Variants in GDE1 observed in about 807,000 individuals in gnomAD.
GDE1 encodes the protein glycerophosphodiester phosphodiesterase 1, also known as RGS16-interacting membrane protein.
Under a neutral mutation model 32.2 loss-of-function variants are expected in GDE1, and 24 were observed. The observed-to-expected ratio is 0.75, with a 90% CI of 0.54 to 1.05. The LOEUF (loss-of-function observed/expected upper bound fraction) is 1.05, where lower values mean the gene tolerates loss of function less well. GDE1 is among the 50% of genes least tolerant of loss of function. The pLI is 0.00. For synonymous variants in GDE1, 159 were observed against 158.6 expected, an observed-to-expected ratio of 1.00 and a Z score of -0.02; for missense variants, 380 against 415.0, an observed-to-expected ratio of 0.92 and a Z score of 0.73.
In GDE1 at chr16:19,521,876, T is replaced by A. The variant is rs377212006; in HGVS notation, c.89A>T (p.Asn30Ile). 4.4e-6 allele frequency: 7 copies of A among 1,604,720 alleles called. No individual in the cohort carries two copies. In the South Asian group the frequency reaches 5.6e-5, roughly 13 times the overall value. Residue 30 changes from asparagine (N) to isoleucine (I), a missense_variant, in exon 1 of 6, where the codon AAT becomes ATT. Transcript: ENST00000353258. The part of the protein sequence containing the change: ...VLLLVTRSPV[N>I]ACLLTGSLFV... The stretch of plus-strand genomic sequence containing the variant: ...GAGGCTGCCGGTGAGGAGGCAGGCA[T>A]TGACCGGGCTCCGCGTCACCAGCAG...
In GDE1 at chr16:19,517,075, A is replaced by G. The variant is rs1300407405; in HGVS notation, c.376T>C (p.Leu126=). Residue 126 remains leucine (L), a synonymous_variant, in exon 2 of 6, where the codon TTG becomes CTG. Coordinates refer to ENST00000353258, the MANE Select transcript of GDE1 (RefSeq NM_016641.4). ...VDRTTDGTGR[L]CDLTFEQIRK... ...ATTTGTTCAAATGTCAAATCACACAATCGCCCAGTCCCATCAGTCGTCCTA... is the reference window on the plus strand; with the variant it reads ...ATTTGTTCAAATGTCAAATCACACAGTCGCCCAGTCCCATCAGTCGTCCTA... 1 of 1,614,114 alleles carries G rather than the reference A, an allele frequency of 6.2e-7. No individual in the cohort carries two copies. The highest frequency in any genetic ancestry group is 8.5e-7 in the Non-Finnish European group (1 of 1,179,992).
chr16:19,502,863 G>A lies in GDE1; in HGVS notation c.*607C>T, dbSNP rs2151443612. On this transcript the variant is annotated 3_prime_UTR_variant, in exon 6 of 6. Transcript: ENST00000353258. ...TGGTTTGCAGCTCTCTATTCAAGAT[G>A]CTATAAATCCCTCATTGGCTTCAAG... 1 of 152,422 alleles carries A rather than the reference G, an allele frequency of 6.6e-6. No homozygotes were observed. The highest frequency in any genetic ancestry group is 2.4e-5 in the African/African-American group (1 of 41,572). The allele number at this position is 152,422 out of a possible 1,614,324, so 9.4% of individuals were successfully genotyped here.
chr16:19,521,797 C>T lies in GDE1; in HGVS notation c.168G>A (p.Leu56=), dbSNP rs771192961. The T allele has an allele frequency of 2.5e-6, 4 of 1,611,688 alleles. No homozygotes were observed. In the South Asian group the frequency reaches 4.4e-5, roughly 18 times the overall value. ...TGCGGTCCCGGGGCTTGAGCACCTG[C>T]AGGGCCCTGCAAGAGGGCACCGGCT... ...SFEPVPSCRA[L]QVLKPRDRIS... Residue 56 remains leucine (L), a synonymous_variant, in exon 1 of 6, where the codon CTG becomes CTA. Transcript: ENST00000353258.
chr16:19,521,938 GC>G lies in GDE1; in HGVS notation c.26del (p.Gly9AlafsTer11). MWLWEDQG[G>X]LLGPFSFLLL... The stretch of plus-strand genomic sequence containing the variant: ...GCAGGAAGGAGAAAGGGCCCAGGAG[GC>G]CGCCCTGGTCCTCCCACAGCCACAT... On this transcript the variant is annotated frameshift_variant, in exon 1 of 6. Coordinates refer to ENST00000353258, the MANE Select transcript of GDE1 (RefSeq NM_016641.4). LOFTEE classifies it high-confidence loss of function. 1 of 1,573,328 alleles carries G rather than the reference GC, an allele frequency of 6.4e-7. No homozygotes were observed. Among genetic ancestry groups the G allele is most frequent in the South Asian group, 1.2e-5 (1 of 86,590 alleles).
At chr16:19,509,251 G>A (rs999747570) in intron 3 of GDE1, among the ~76,000 whole-genome samples, 2 of 152,100 alleles carry the variant, frequency 1.3e-5, no homozygotes, top group Admixed American at 6.5e-5. Context: ...GCATTGAGCC[G>A]AGATCGCGCC....
At chr16:19,507,912 G>C (rs954547938) in intron 3 of GDE1, 133 bp from the exon 4 acceptor site, 2 of 577,872 alleles carry the variant, frequency 3.5e-6, no homozygotes, top group Middle Eastern at 4.7e-4. Context: ...GGTACTGAAA[G>C]TATTGGTAGA....
At chr16:19,512,967 GTC>G (rs2151447686) in intron 2 of GDE1, among the ~76,000 whole-genome samples, 1 of 149,270 alleles carries the variant, frequency 6.7e-6, no homozygotes, top group South Asian at 2.1e-4. Flanking sequence ...GTGTGTGTGT[GTC>G]AGTATTTATA....
chr16:19,506,340 CAG>C (rs1170237213), intron 4 of GDE1, among the ~76,000 whole-genome samples: 2 of 151,832 alleles, frequency 1.3e-5, no homozygotes, highest in Non-Finnish European at 2.9e-5. Context: ...GAGAGAGAGA[CAG>C]AACCTGCAAG....
chr16:19,507,453 G>A (rs988483162), intron 4 of GDE1, among the ~76,000 whole-genome samples: 1 of 152,180 alleles, frequency 6.6e-6, no homozygotes, highest in African/African-American at 2.4e-5. Context: ...ACAGTAATCT[G>A]AGTGAGCCTA....
intron 2 of GDE1, among the ~76,000 whole-genome samples, chr16:19,516,485 T>C (rs957612376): frequency 1.3e-4 from 20 of 152,176 alleles, no homozygotes; most frequent in African/African-American, 3.9e-4. Context: ...AAGTGCTCAA[T>C]AGCCACAAGT....
chr16:19,516,612 T>A lies in GDE1; in HGVS notation c.437+402A>T, dbSNP rs1969383704. On this transcript the variant is annotated intron_variant, in intron 2 of 5. Coordinates refer to ENST00000353258, the MANE Select transcript of GDE1 (RefSeq NM_016641.4). ...CTCTCTATTCCTACAATTCTGTGAT[T>A]CCTCAGAAGTTTGTTATGAGGATCA... Among the ~76,000 whole-genome samples, 3 of 152,316 alleles carry A rather than the reference T, an allele frequency of 2.0e-5. No homozygotes were observed. The South Asian group carries it at 6.2e-4, about 32-fold the overall frequency.
In GDE1 at chr16:19,503,315, T is replaced by G; in HGVS notation, c.*155A>C. On this transcript the variant is annotated 3_prime_UTR_variant, in exon 6 of 6. Transcript: ENST00000353258. ...CATGGTGCATGGTGGCAACACCGGG[T>G]TTAGCTTTGGTTCAGGTAAAAATGC... is the stretch of plus-strand genomic sequence containing the variant. 1 of 655,546 alleles carries G rather than the reference T, an allele frequency of 1.5e-6. No individual in the cohort carries two copies. Among genetic ancestry groups the G allele is most frequent in the Non-Finnish European group, 2.6e-6 (1 of 383,828 alleles). 40.6% of individuals were successfully genotyped at this position (655,546 alleles called of 1,614,324 possible). A position where few individuals can be genotyped will look rare whatever the true frequency, so the allele number is the denominator to read the frequency against.
intron 4 of GDE1, among the ~76,000 whole-genome samples, chr16:19,507,392 T>C (rs370487570): frequency 7.2e-5 from 11 of 152,172 alleles, no homozygotes; most frequent in Non-Finnish European, 1.5e-5. Flanking sequence ...CTGCTGTTAG[T>C]TGGTGAGAAG....
intron 2 of GDE1, 96 bp from the exon 3 acceptor site, chr16:19,511,040 A>G (rs1280482372): frequency 1.6e-6 from 1 of 607,984 alleles, no homozygotes; most frequent in Non-Finnish European, 2.9e-6. Context: ...TCAAAAGGAA[A>G]GAGTGTTTTC....
intron 2 of GDE1, among the ~76,000 whole-genome samples, chr16:19,512,358 G>A (rs993997457): frequency 1.3e-5 from 2 of 151,872 alleles, no homozygotes; most frequent in Non-Finnish European, 1.5e-5. Context: ...CCATTTGTGT[G>A]TCCTCTTTTG....
chr16:19,520,160 A>G (rs1210703089), intron 1 of GDE1, among the ~76,000 whole-genome samples: 1 of 152,210 alleles, frequency 6.6e-6, no homozygotes, highest in African/African-American at 2.4e-5. Context: ...TTCCAAAAAC[A>G]GATACACTAC....
chr16:19,519,970 C>A (rs960411563), intron 1 of GDE1, among the ~76,000 whole-genome samples: 1 of 152,024 alleles, frequency 6.6e-6, no homozygotes, highest in African/African-American at 2.4e-5. Context: ...TGAGATCGCC[C>A]CACTGCACTC....
chr16:19,520,029 T>C (rs72767513), intron 1 of GDE1, among the ~76,000 whole-genome samples: 73 of 151,646 alleles, frequency 4.8e-4, no homozygotes, highest in African/African-American at 1.2e-3. Context: ...AATAAATAAA[T>C]AAAATTATTG....
intron 2 of GDE1, among the ~76,000 whole-genome samples, chr16:19,513,967 G>A (rs532059386): frequency 9.2e-5 from 14 of 152,264 alleles, no homozygotes; most frequent in African/African-American, 2.9e-4. Flanking sequence ...AGTGAGCATT[G>A]AAAACCCAAG....
Sources: allele counts gnomAD v4.1 joint callset (sites outside exome capture counted in the v4.1 genomes callset), GRCh38; gene constraint gnomAD v4.1.1; transcripts MANE v1.5; gene names NCBI Gene and HGNC (gene_info 2026-07-23, HGNC 2026-07-21).